Variants in LPIN2 observed in about 807,000 individuals in gnomAD.
The protein encoded by LPIN2 is lipin 2, also known as phosphatidate phosphatase LPIN2.
In LPIN2, 55 loss-of-function variants were observed where a neutral mutation model predicts 111.4. That is an observed-to-expected ratio of 0.49 (90% CI 0.40 to 0.62). The LOEUF is 0.62. LPIN2 is among the 20% of genes least tolerant of loss of function. LPIN2 has a pLI of 0.00. For missense variants in LPIN2, 992 were observed against 1,112.1 expected (o/e 0.89, Z 1.54); for synonymous variants, 425 against 414.0 (o/e 1.03, Z -0.32).
intron 4 of LPIN2, chr18:2,948,350 A>G (rs2077486074): frequency 6.6e-6 from 1 of 152,246 alleles, no homozygotes; most frequent in African/African-American, 2.4e-5. Context: ...CAAACACATC[A>G]GTACACAGTG....
rs530119921 is a variant in LPIN2, at chr18:2,918,804, T to C, written c.*1489A>G. 6.6e-6 allele frequency: 1 copy of C among 152,332 alleles called. No individual in the cohort carries two copies. Among genetic ancestry groups the C allele is most frequent in the Admixed American group, 6.5e-5 (1 of 15,300 alleles). The allele number at this position is 152,332 out of a possible 1,614,324, so 9.4% of individuals were successfully genotyped here. A position where few individuals can be genotyped will look rare whatever the true frequency, so the allele number is the denominator to read the frequency against. ...CTATTTCTCTATCTCTAGATCAGCA[T>C]TATTTTAGGTGAAGCAAACTAAAAC... On this transcript the variant is annotated 3_prime_UTR_variant, in exon 20 of 20. Transcript: ENST00000677752.
At chr18:3,010,401 T>G in intron 1 of LPIN2, among the ~76,000 whole-genome samples, 1 of 152,174 alleles carries the variant, frequency 6.6e-6, no homozygotes, top group Admixed American at 6.5e-5. Flanking sequence ...CTGGAGGCTA[T>G]CTACCAACTT....
intron 1 of LPIN2, among the ~76,000 whole-genome samples, chr18:2,994,167 C>T (rs1454335406): frequency 2.6e-5 from 4 of 152,174 alleles, no homozygotes; most frequent in Non-Finnish European, 5.9e-5. Context: ...TCTCAGGTAC[C>T]AATACTGCCT....
rs944843110 is a variant in LPIN2, at chr18:2,934,960, C to T, written c.1169-510G>A. On this transcript the variant is annotated intron_variant, in intron 7 of 19. Coordinates refer to ENST00000677752, the MANE Select transcript of LPIN2 (RefSeq NM_001375808.2). Reference sequence around the variant, plus strand: ...CAGATAACATCTTAAACAATAATCACGTTCAGCATTACTATTAGTGGTCAT... The same window carrying T: ...CAGATAACATCTTAAACAATAATCATGTTCAGCATTACTATTAGTGGTCAT... 1.6e-4 allele frequency among the ~76,000 whole-genome samples: 24 copies of T among 152,186 alleles called. 1 individual carries two copies. Among genetic ancestry groups the T allele is most frequent in the African/African-American group, 3.6e-4 (15 of 41,452 alleles).
chr18:3,001,586 C>T (rs1021592370), intron 1 of LPIN2, among the ~76,000 whole-genome samples: 9 of 151,580 alleles, frequency 5.9e-5, no homozygotes, highest in South Asian at 2.1e-4. Context: ...CATCTTGCAG[C>T]GTAGGAAATC....
At chr18:2,991,775 G>T (rs541705032) in intron 1 of LPIN2, among the ~76,000 whole-genome samples, 83 of 152,198 alleles carry the variant, frequency 5.5e-4, no homozygotes, top group African/African-American at 1.9e-3. Flanking sequence ...ACTTTGGGAG[G>T]GGGAGGTGGG....
intron 1 of LPIN2, among the ~76,000 whole-genome samples, chr18:2,964,598 G>A (rs989289434): frequency 1.0e-4 from 15 of 147,328 alleles, no homozygotes; most frequent in African/African-American, 3.7e-4. Context: ...ACTTTGATCT[G>A]TGAGAATGGT....
chr18:2,955,551 A>T (rs1370647425), intron 2 of LPIN2, among the ~76,000 whole-genome samples: 3 of 152,186 alleles, frequency 2.0e-5, no homozygotes, highest in African/African-American at 7.2e-5. Flanking sequence ...TGGAGTTCAC[A>T]TTTCAACATG....
intron 8 of LPIN2, among the ~76,000 whole-genome samples, chr18:2,932,807 G>A (rs2077229802): frequency 6.6e-6 from 1 of 152,168 alleles, no homozygotes; most frequent in Non-Finnish European, 1.5e-5. Flanking sequence ...GAGACCCTAT[G>A]GGGATGGGAG....
At chr18:2,961,029 C>T (rs999038790) in intron 1 of LPIN2, among the ~76,000 whole-genome samples, 180 bp from the exon 2 acceptor site, 3 of 152,122 alleles carry the variant, frequency 2.0e-5, no homozygotes, top group Non-Finnish European at 4.4e-5. Flanking sequence ...TTTCCACACA[C>T]GGACCTCCCG....
intron 11 of LPIN2, among the ~76,000 whole-genome samples, chr18:2,928,019 G>A (rs1314917435): frequency 6.6e-6 from 1 of 151,830 alleles, no homozygotes; most frequent in African/African-American, 2.4e-5. Context: ...TCTGTGGCAT[G>A]AGACCAGGCG....
At chr18:2,946,228 G>A (rs374320786) in intron 4 of LPIN2, 78 of 1,574,140 alleles carry the variant, frequency 5.0e-5, no homozygotes, top group African/African-American at 1.8e-4. Context: ...TTTTTATCGC[G>A]TCTACTGTCT....
chr18:2,997,575 A>C (rs1323902861), intron 1 of LPIN2, among the ~76,000 whole-genome samples: 1 of 152,214 alleles, frequency 6.6e-6, no homozygotes, highest in Non-Finnish European at 1.5e-5. Context: ...ACAGTGCCCC[A>C]ATTCTGATCA....
chr18:2,970,716 C>T (rs1334590145), intron 1 of LPIN2, among the ~76,000 whole-genome samples: 1 of 152,190 alleles, frequency 6.6e-6, no homozygotes, highest in Non-Finnish European at 1.5e-5. Flanking sequence ...ACACTTTATG[C>T]TACTTAACAA....
At position 2,924,454 on chromosome 18, in the gene LPIN2, G is replaced by A. The variant is rs2144129211; in HGVS notation, c.2031C>T (p.Tyr677=). ...TGATCTTGTCATTCCAGTTCCACAG[G>A]TAAATGGTCCCTGCACAGCGACAGG... The part of the protein sequence containing the change: ...QGTCRCAGTI[Y]LWNWNDKIII... The change falls in exon 15 of 20, where the codon TAC becomes TAT. Residue 677 remains tyrosine, a synonymous_variant. Transcript: ENST00000677752. 1.9e-6 allele frequency: 3 copies of A among 1,614,130 alleles called. No individual in the cohort carries two copies. Among genetic ancestry groups the A allele is most frequent in the Non-Finnish European group, 2.5e-6 (3 of 1,180,022 alleles).
In LPIN2 at chr18:2,919,958, T is replaced by C; in HGVS notation, c.*335A>G. ...CACTTCACTGTGTGCAGTGTTTTGG[T>C]CCACTCTTTTTTAGCTGCTTTTTTC... is the stretch of plus-strand genomic sequence containing the variant. On this transcript the variant is annotated 3_prime_UTR_variant, in exon 20 of 20. Coordinates refer to ENST00000677752, the MANE Select transcript of LPIN2 (RefSeq NM_001375808.2). The C allele has an allele frequency of 2.5e-6, 1 of 398,494 alleles. No individual in the cohort carries two copies. The allele number at this position is 398,494 out of a possible 1,614,324, so 24.7% of individuals were successfully genotyped here. A position where few individuals can be genotyped will look rare whatever the true frequency, so the allele number is the denominator to read the frequency against.
chr18:2,953,900 C>T (rs1177974531), intron 3 of LPIN2, among the ~76,000 whole-genome samples: 2 of 152,118 alleles, frequency 1.3e-5, no homozygotes, highest in Non-Finnish European at 2.9e-5. Flanking sequence ...CGTTAACTAG[C>T]GTTCAAATCA....
intron 2 of LPIN2, among the ~76,000 whole-genome samples, chr18:2,958,151 A>AAAAAAAAAAAAAAAAAAAAAAAG (rs2077644907): frequency 8.2e-6 from 1 of 121,320 alleles, no homozygotes; most frequent in Non-Finnish European, 1.7e-5. Flanking sequence ...CAAAAAAAAA[A>AAAAAAAAAAAAAAAAAAAAAAAG]AAAAAACAAC....
intron 4 of LPIN2, 134 bp from the exon 5 acceptor site, chr18:2,940,846 A>T (rs1238203610): frequency 1.5e-6 from 1 of 677,202 alleles, no homozygotes; most frequent in African/African-American, 1.8e-5. Flanking sequence ...TCTAAAATAT[A>T]TGAAGGAGAA....
Sources: gnomAD v4.1 joint callset for allele counts (sites outside exome capture counted in the v4.1 genomes callset) on GRCh38, gnomAD v4.1.1 for gene constraint, MANE v1.5 for transcripts, NCBI Gene and HGNC (gene_info 2026-07-23, HGNC 2026-07-21) for gene names.